Variants in IFRD1 observed in about 807,000 individuals in gnomAD.
IFRD1 encodes the protein interferon related developmental regulator 1.
IFRD1 carries 35 observed loss-of-function variants against 52.9 expected under a neutral mutation model. The observed-to-expected ratio is 0.66, with a 90% CI of 0.51 to 0.88. IFRD1 has a LOEUF of 0.88. Among genes scored for constraint, IFRD1 ranks in the 40% least tolerant of loss-of-function variants. The probability of loss-of-function intolerance (pLI) is 0.00; values close to 1 mark genes in which losing one functional copy is unlikely to be tolerated. For missense variants in IFRD1, 517 were observed against 550.8 expected (o/e 0.94, Z 0.61); for synonymous variants, 184 against 188.4 (o/e 0.98, Z 0.19).
chr7:112,468,220 A>G, intron 9 of IFRD1, 105 bp downstream of exon 9: 1 of 1,293,180 alleles, frequency 7.7e-7, no homozygotes. Context: ...ACCTTTGAAA[A>G]TAATTTCTCA....
chr7:112,464,444 G>T (rs745996318), intron 8 of IFRD1, among the ~76,000 whole-genome samples: 1 of 152,124 alleles, frequency 6.6e-6, no homozygotes, highest in Non-Finnish European at 1.5e-5. Flanking sequence ...CTCTGGAGCT[G>T]TTCTGCCTAC....
chr7:112,423,638 A>G (rs1447112814), intron 1 of IFRD1, among the ~76,000 whole-genome samples: 1 of 152,186 alleles, frequency 6.6e-6, no homozygotes, highest in African/African-American at 2.4e-5. Context: ...AACATGGAGA[A>G]AATTAAAAGC....
chr7:112,462,114 T>C lies in IFRD1; in HGVS notation c.732T>C (p.Ser244=). ...STPNTVLHIS[S]LLAWTLLLTI... Reference sequence around the variant, plus strand: ...CTAATACAGTGCTTCATATCAGCTCTCTTCTTGCATGGACACTACTGCTGA... The same window carrying C: ...CTAATACAGTGCTTCATATCAGCTCCCTTCTTGCATGGACACTACTGCTGA... Residue 244 remains serine (S), a synonymous_variant, in exon 7 of 12, where the codon TCT becomes TCC. Transcript: ENST00000403825. The C allele has an allele frequency of 1.9e-6, 3 of 1,613,854 alleles. No individual in the cohort carries two copies. Among genetic ancestry groups the C allele is most frequent in the Non-Finnish European group, 2.5e-6 (3 of 1,179,870 alleles).
rs1795907379 is a variant in IFRD1, at chr7:112,476,501, T to C, written c.*982T>C. On this transcript the variant is annotated 3_prime_UTR_variant, in exon 12 of 12. Coordinates refer to ENST00000403825, the MANE Select transcript of IFRD1 (RefSeq NM_001550.4). ...AGCGAGACCCTGTCTCTACCAGAAA[T>C]TTAAAAAATGAGTGTGGTGGTGTGT... The C allele has an allele frequency of 1.3e-5, 2 of 151,946 alleles. No individual in the cohort carries two copies. The highest frequency in any genetic ancestry group is 6.6e-5 in the Admixed American group (1 of 15,250). The allele number at this position is 151,946 out of a possible 1,614,324, so 9.4% of individuals were successfully genotyped here.
At chr7:112,464,774 G>C (rs1420867989) in intron 8 of IFRD1, among the ~76,000 whole-genome samples, 2 of 152,134 alleles carry the variant, frequency 1.3e-5, no homozygotes, top group East Asian at 3.9e-4. Flanking sequence ...ACAAAATATA[G>C]TTAGACCTTT....
chr7:112,462,999 C>T (rs1416552963), intron 8 of IFRD1, among the ~76,000 whole-genome samples: 4 of 152,152 alleles, frequency 2.6e-5, no homozygotes, highest in Non-Finnish European at 4.4e-5. Context: ...TCTTATGTTC[C>T]AGGAAATCCT....
At chr7:112,472,907 T>C (rs1795791569) in intron 11 of IFRD1, 46 bp downstream of exon 11, 1 of 1,347,926 alleles carries the variant, frequency 7.4e-7, no homozygotes, top group African/African-American at 1.4e-5. Flanking sequence ...CGCCAAAGCT[T>C]TGATTCTGTC....
At chr7:112,462,416 C>T (rs1368751519) in intron 8 of IFRD1, 38 bp downstream of exon 8, 3 of 1,376,254 alleles carry the variant, frequency 2.2e-6, no homozygotes, top group Non-Finnish European at 3.1e-6. Flanking sequence ...GCTTGTGTCA[C>T]AAGGCCCATT....
chr7:112,425,045 C>T (rs1221357607), intron 1 of IFRD1, among the ~76,000 whole-genome samples: 2 of 152,074 alleles, frequency 1.3e-5, no homozygotes, highest in Non-Finnish European at 2.9e-5. Flanking sequence ...CTCTGTTGCC[C>T]AGGCTGGAGT....
At chr7:112,464,055 A>G (rs1299350685) in intron 8 of IFRD1, among the ~76,000 whole-genome samples, 1 of 112,952 alleles carries the variant, frequency 8.9e-6, no homozygotes, top group Non-Finnish European at 1.9e-5. Context: ...TTTTTTTTTA[A>G]AATAAGCTTT....
At chr7:112,425,421 A>C (rs183299991) in intron 1 of IFRD1, among the ~76,000 whole-genome samples, 20 of 152,346 alleles carry the variant, frequency 1.3e-4, no homozygotes, top group South Asian at 6.2e-4. Flanking sequence ...ACAAACAGGT[A>C]GAAGAAGGGG....
chr7:112,448,929 G>A (rs1244601411), upstream of IFRD1, among the ~76,000 whole-genome samples: 1 of 152,132 alleles, frequency 6.6e-6, no homozygotes, highest in African/African-American at 2.4e-5. Flanking sequence ...GCCGTGTATT[G>A]GAAATGAAAA....
In IFRD1 at chr7:112,459,064, C is replaced by A. The variant is rs752320961; in HGVS notation, c.567+46C>A. On this transcript the variant is annotated intron_variant, in intron 5 of 11. Coordinates refer to ENST00000403825, the MANE Select transcript of IFRD1 (RefSeq NM_001550.4). Reference sequence around the variant, plus strand: ...TTTATAGATCTGTCTATTCATGACACCCAGACGTGGTGCGCCTATAGTACT... The same window carrying A: ...TTTATAGATCTGTCTATTCATGACAACCAGACGTGGTGCGCCTATAGTACT... 7 of 1,495,812 alleles carry A rather than the reference C, an allele frequency of 4.7e-6. No individual in the cohort carries two copies. In the East Asian group the frequency reaches 1.4e-4, roughly 29 times the overall value. 92.7% of individuals were successfully genotyped at this position (1,495,812 alleles called of 1,614,324 possible). A position where few individuals can be genotyped will look rare whatever the true frequency, so the allele number is the denominator to read the frequency against.
intron 1 of IFRD1, among the ~76,000 whole-genome samples, chr7:112,443,787 G>A (rs1259576380): frequency 6.6e-6 from 1 of 151,320 alleles, no homozygotes; most frequent in Non-Finnish European, 1.5e-5. Context: ...GCTTGAACCC[G>A]GGAGGTGGAG....
At chr7:112,432,098 T>C (rs1267818245) in intron 1 of IFRD1, among the ~76,000 whole-genome samples, 1 of 152,204 alleles carries the variant, frequency 6.6e-6, no homozygotes, top group Non-Finnish European at 1.5e-5. Flanking sequence ...AATTACATGA[T>C]AAATATGGGA....
chr7:112,425,828 T>C (rs77401204), intron 1 of IFRD1, among the ~76,000 whole-genome samples: 3,585 of 152,292 alleles, frequency 0.024, 63 homozygotes, highest in Middle Eastern at 0.041. Flanking sequence ...CACCACCACC[T>C]ATTACTCTTT....
chr7:112,462,814 A>T (rs537337028), intron 8 of IFRD1, among the ~76,000 whole-genome samples: 3 of 100,968 alleles, frequency 3.0e-5, no homozygotes, highest in Non-Finnish European at 6.2e-5. Context: ...TAAGCCAAAG[A>T]TGGAAATAAA....
chr7:112,450,604 C>A lies in IFRD1; in HGVS notation c.-85C>A. 1 of 1,108,166 alleles carries A rather than the reference C, an allele frequency of 9.0e-7. No individual in the cohort carries two copies. Among genetic ancestry groups the A allele is most frequent in the Non-Finnish European group, 1.4e-6 (1 of 726,932 alleles). The allele number at this position is 1,108,166 out of a possible 1,614,324, so 68.6% of individuals were successfully genotyped here. On this transcript the variant is annotated 5_prime_UTR_variant, in exon 1 of 12. Transcript: ENST00000403825. ...CGAAGACTCGCCTCTCAGCCGCCCG[C>A]CGCACAGACGCACGAGTAAAAAGTG... is the stretch of plus-strand genomic sequence containing the variant.
At chr7:112,429,973 A>G (rs947566747) in intron 1 of IFRD1, among the ~76,000 whole-genome samples, 2 of 152,222 alleles carry the variant, frequency 1.3e-5, no homozygotes, top group Non-Finnish European at 2.9e-5. Context: ...GCACTTTCTC[A>G]TCTCCCTTCT....
Sources: gnomAD v4.1 joint callset for allele counts (sites outside exome capture counted in the v4.1 genomes callset) on GRCh38, gnomAD v4.1.1 for gene constraint, MANE v1.5 for transcripts, NCBI Gene and HGNC (gene_info 2026-07-23, HGNC 2026-07-21) for gene names.